The following ZNF324 variants were observed in gnomAD, a reference collection of about 807,000 sequenced individuals.
ZNF324 encodes the protein zinc finger protein 324, also known as zinc finger protein 324A.
Under a neutral mutation model 10.3 loss-of-function variants are expected in ZNF324, and 3 were observed. The ratio of observed to expected loss-of-function variants is 0.29; its 90% confidence interval spans 0.13 to 0.75. The LOEUF (loss-of-function observed/expected upper bound fraction) is 0.75. Ranked by LOEUF, ZNF324 falls within the 30% of genes least tolerant of loss-of-function variation. The probability of loss-of-function intolerance (pLI) is 0.69; values close to 1 mark genes in which losing one functional copy is unlikely to be tolerated. For synonymous variants in ZNF324, 430 were observed against 339.5 expected (o/e 1.27, Z -2.93); for missense variants, 763 against 784.4 (o/e 0.97, Z 0.33).
Position 58,473,856 on chromosome 19 carries a change from G to C in ZNF324, c.*1702G>C, listed in dbSNP as rs1404691924. On this transcript the variant is annotated 3_prime_UTR_variant, in exon 4 of 4. Coordinates refer to ENST00000196482, the MANE Select transcript of ZNF324 (RefSeq NM_014347.3). ...TAGAGTGGGGCTGTCTGGAGCAGCA[G>C]CCCTGCTAGATGAGTCCTGGTGGAT... is the stretch of plus-strand genomic sequence containing the variant. 6.6e-6 allele frequency: 1 copy of C among 152,286 alleles called. No individual in the cohort carries two copies. Among genetic ancestry groups the C allele is most frequent in the Non-Finnish European group, 1.5e-5 (1 of 68,092 alleles). 9.4% of individuals were successfully genotyped at this position (152,286 alleles called of 1,614,324 possible). A position where few individuals can be genotyped will look rare whatever the true frequency, so the allele number is the denominator to read the frequency against.
rs2053047955 is a variant in ZNF324, at chr19:58,472,655, C to T, written c.*501C>T. On this transcript the variant is annotated 3_prime_UTR_variant, in exon 4 of 4. Coordinates refer to ENST00000196482, the MANE Select transcript of ZNF324 (RefSeq NM_014347.3). ...GGGGCCAGCCTAGCAGACAAGAGACCACAAGGGACTGGGGATCAGGGTCTG... is the reference window on the plus strand; with the variant it reads ...GGGGCCAGCCTAGCAGACAAGAGACTACAAGGGACTGGGGATCAGGGTCTG... The T allele has an allele frequency of 6.4e-6, 1 of 156,016 alleles. No individual in the cohort carries two copies. The highest frequency in any genetic ancestry group is 6.3e-5 in the Admixed American group (1 of 15,848). The allele number at this position is 156,016 out of a possible 1,614,324, so 9.7% of individuals were successfully genotyped here. A position where few individuals can be genotyped will look rare whatever the true frequency, so the allele number is the denominator to read the frequency against.
In ZNF324 at chr19:58,469,827, A is replaced by C; in HGVS notation, c.221A>C (p.Tyr74Ser). 2 of 1,600,314 alleles carry C rather than the reference A, an allele frequency of 1.2e-6. No individual in the cohort carries two copies. Among genetic ancestry groups the C allele is most frequent in the Non-Finnish European group, 1.7e-6 (2 of 1,173,474 alleles). Reference protein sequence around the residue: ...GTDTTLSRTTYRRRNPGSWSL... With the variant: ...GTDTTLSRTTSRRRNPGSWSL... Reference sequence around the variant, plus strand: ...GACACAACCCTGTCCAGGACCACCTACAGGAGGCGCAACCCTGGTGAGAGG... The same window carrying C: ...GACACAACCCTGTCCAGGACCACCTCCAGGAGGCGCAACCCTGGTGAGAGG... Residue 74 changes from tyrosine to serine, a missense_variant, in exon 3 of 4, where the codon TAC (tyrosine) becomes TCC (serine). This residue lies in a region of ZNF324 where 379 missense variants were observed against 319.4 expected (regional missense o/e 1.19). Coordinates refer to ENST00000196482, the MANE Select transcript of ZNF324 (RefSeq NM_014347.3).
chr19:58,468,358 C>T (rs532707342), intron 1 of ZNF324, among the ~76,000 whole-genome samples: 1 of 152,152 alleles, frequency 6.6e-6, no homozygotes, highest in East Asian at 1.9e-4. Flanking sequence ...TAGCACCTAA[C>T]TGAGGAGGGG....
intron 1 of ZNF324, among the ~76,000 whole-genome samples, chr19:58,468,650 T>A (rs1471509006): frequency 4.6e-5 from 7 of 152,110 alleles, no homozygotes; most frequent in Admixed American, 2.0e-4. Context: ...GTGGTCATGC[T>A]GAGTCACGAG....
chr19:58,471,860 G>C lies in ZNF324; in HGVS notation c.1368G>C (p.Val456=), dbSNP rs1232449368. ...LHTGERPFRC[V]DCGKAFAKGA... ...CGGGCGAGCGGCCCTTCCGCTGCGT[G>C]GACTGTGGCAAGGCCTTCGCCAAGG... The change falls in exon 4 of 4, where the codon GTG becomes GTC. Residue 456 remains valine, a synonymous_variant. Transcript: ENST00000196482. 7.4e-6 allele frequency: 12 copies of C among 1,612,396 alleles called. No individual in the cohort carries two copies. The highest frequency in any genetic ancestry group is 1.0e-5 in the Non-Finnish European group (12 of 1,179,796).
In ZNF324 at chr19:58,469,857, T is replaced by G; in HGVS notation, c.238+13T>G. On this transcript the variant is annotated intron_variant, in intron 3 of 3. Coordinates refer to ENST00000196482, the MANE Select transcript of ZNF324 (RefSeq NM_014347.3). The stretch of plus-strand genomic sequence containing the variant: ...AGGCGCAACCCTGGTGAGAGGGAGC[T>G]CAGGGTGGGGTGAATTCAGGACCAA... The G allele has an allele frequency of 6.3e-7, 1 of 1,588,782 alleles. No individual in the cohort carries two copies. Among genetic ancestry groups the G allele is most frequent in the Non-Finnish European group, 8.6e-7 (1 of 1,166,548 alleles).
In ZNF324 at chr19:58,469,190, C is replaced by T; in HGVS notation, c.5C>T (p.Ala2Val). 4 of 1,614,146 alleles carry T rather than the reference C, an allele frequency of 2.5e-6. No homozygotes were observed. Among genetic ancestry groups the T allele is most frequent in the African/African-American group, 1.3e-5 (1 of 75,044 alleles). M[A>V]FEDVAVYFSQ... ...TCCCTGCTCTTTTAGGACCAGATGG[C>T]CTTTGAGGATGTGGCTGTGTACTTC... is the stretch of plus-strand genomic sequence containing the variant. Residue 2 changes from alanine (A) to valine (V), a missense_variant, in exon 2 of 4, where the codon GCC becomes GTC. Around this residue, in one of 3 missense-constraint regions of ZNF324, gnomAD observed 379 missense variants for 319.4 expected, o/e 1.19. Transcript: ENST00000196482.
rs2053039368 is a variant in ZNF324 at position 58,472,012 on chromosome 19, A to G, written c.1520A>G (p.Lys507Arg). Residue 507 changes from lysine to arginine, a missense_variant, in exon 4 of 4, where the codon AAG becomes AGG. By Grantham distance (26) the Lys-to-Arg change is conservative. This residue lies in a region of ZNF324 where 231 missense variants were observed against 196.0 expected (regional missense o/e 1.18). Transcript: ENST00000196482. ...FHHQRIHTGE[K>R]TVRRSRASLH... is the part of the protein sequence containing the mutation. ...CACCAGAGGATCCATACCGGCGAGA[A>G]GACCGTCCGGCGATCCAGGGCCAGC... is the stretch of plus-strand genomic sequence containing the variant. 6.2e-7 allele frequency: 1 copy of G among 1,607,696 alleles called. No homozygotes were observed. Among genetic ancestry groups the G allele is most frequent in the Non-Finnish European group, 8.5e-7 (1 of 1,179,732 alleles).
chr19:58,469,175 T>C lies in ZNF324; in HGVS notation c.-6-5T>C. The stretch of plus-strand genomic sequence containing the variant: ...ATGGCTGTCTCTTCCTCCCTGCTCT[T>C]TTAGGACCAGATGGCCTTTGAGGAT... On this transcript the variant is annotated splice_region_variant and splice_polypyrimidine_tract_variant and intron_variant, in intron 1 of 3. Coordinates refer to ENST00000196482, the MANE Select transcript of ZNF324 (RefSeq NM_014347.3). 4 of 1,614,204 alleles carry C rather than the reference T, an allele frequency of 2.5e-6. No homozygotes were observed. Among genetic ancestry groups the C allele is most frequent in the Non-Finnish European group, 8.5e-7 (1 of 1,180,018 alleles).
Position 58,471,888 on chromosome 19 carries a change from G to A in ZNF324, c.1396G>A (p.Ala466Thr), listed in dbSNP as rs772088242. 1.6e-5 allele frequency: 26 copies of A among 1,611,258 alleles called. No individual in the cohort carries two copies. The highest frequency in any genetic ancestry group is 5.3e-5 in the African/African-American group (4 of 74,850). The change falls in exon 4 of 4, where the codon GCC (alanine) becomes ACC (threonine). Residue 466 changes from alanine (A) to threonine (T), a missense_variant. Ala to Thr is a moderately conservative substitution (Grantham distance 58, BLOSUM62 0). Transcript: ENST00000196482. ...VDCGKAFAKG[A>T]VLLSHRRIHT... Reference sequence around the variant, plus strand: ...CTGTGGCAAGGCCTTCGCCAAGGGCGCCGTGCTGCTCAGCCACCGGCGCAT... The same window carrying A: ...CTGTGGCAAGGCCTTCGCCAAGGGCACCGTGCTGCTCAGCCACCGGCGCAT...
rs2053071942 is a variant in ZNF324, at chr19:58,475,355, T to TTATTGGGAGAAAC, written c.*3204_*3216dup. ...CAGATTTAGAAAACTGTAACACTGCTTATTGGGAGAAACTAGTGTCACCCT... is the reference window on the plus strand; with the variant it reads ...CAGATTTAGAAAACTGTAACACTGCTTATTGGGAGAAACTATTGGGAGAAACTAGTGTCACCCT... On this transcript the variant is annotated 3_prime_UTR_variant, in exon 4 of 4. Transcript: ENST00000196482. 6.6e-6 allele frequency: 1 copy of TTATTGGGAGAAAC among 152,216 alleles called. No homozygotes were observed. Among genetic ancestry groups the TTATTGGGAGAAAC allele is most frequent in the South Asian group, 2.1e-4 (1 of 4,830 alleles). The allele number at this position is 152,216 out of a possible 1,614,324, so 9.4% of individuals were successfully genotyped here.
chr19:58,470,353 A>G (rs536997557), intron 3 of ZNF324, among the ~76,000 whole-genome samples: 2 of 119,250 alleles, frequency 1.7e-5, no homozygotes, highest in East Asian at 5.0e-4. Flanking sequence ...TCATTGCAGG[A>G]GCAGGTTGGG....
At position 58,472,215 on chromosome 19, in the gene ZNF324, C is replaced by A; in HGVS notation, c.*61C>A. The A allele has an allele frequency of 3.4e-6, 5 of 1,453,784 alleles. No homozygotes were observed. The highest frequency in any genetic ancestry group is 3.7e-6 in the Non-Finnish European group (4 of 1,092,930). The allele number at this position is 1,453,784 out of a possible 1,614,324, so 90.1% of individuals were successfully genotyped here. A position where few individuals can be genotyped will look rare whatever the true frequency, so the allele number is the denominator to read the frequency against. On this transcript the variant is annotated 3_prime_UTR_variant, in exon 4 of 4. Transcript: ENST00000196482. ...CTTCCACAGCTAAAGGGCATATGTC[C>A]TCTGCAGATCCACAGCAGAGAAAAA...
Position 58,470,969 on chromosome 19 carries a change from C to T in ZNF324, c.477C>T (p.Ser159=). ...CAGGCAGTGGGCAAGCCAGCGTCAG[C>T]CTGCGACTGACCTCCCCGCTTAGGC... is the stretch of plus-strand genomic sequence containing the variant. ...LGSGSGQASV[S]LRLTSPLRPP... Residue 159 remains serine (S), a synonymous_variant, in exon 4 of 4, where the codon AGC becomes AGT. Coordinates refer to ENST00000196482, the MANE Select transcript of ZNF324 (RefSeq NM_014347.3). The T allele has an allele frequency of 3.1e-6, 5 of 1,614,238 alleles. No homozygotes were observed. The highest frequency in any genetic ancestry group is 4.2e-6 in the Non-Finnish European group (5 of 1,180,048).
At position 58,473,895 on chromosome 19, in the gene ZNF324, G is replaced by A. The variant is rs2053059260; in HGVS notation, c.*1741G>A. On this transcript the variant is annotated 3_prime_UTR_variant, in exon 4 of 4. Transcript: ENST00000196482. ...GTCCTGGTGGATCCTGGCAATGGGAGGATGGTAGGTGGAGAAACCAAGGCA... is the reference window on the plus strand; with the variant it reads ...GTCCTGGTGGATCCTGGCAATGGGAAGATGGTAGGTGGAGAAACCAAGGCA... The A allele has an allele frequency of 6.6e-6, 1 of 152,532 alleles. No individual in the cohort carries two copies. The highest frequency in any genetic ancestry group is 1.5e-5 in the Non-Finnish European group (1 of 68,172). 9.4% of individuals were successfully genotyped at this position (152,532 alleles called of 1,614,324 possible). A position where few individuals can be genotyped will look rare whatever the true frequency, so the allele number is the denominator to read the frequency against.
rs2053044044 is a variant in ZNF324, at chr19:58,472,305, A to T, written c.*151A>T. The T allele has an allele frequency of 5.9e-6, 5 of 843,788 alleles. No homozygotes were observed. Among genetic ancestry groups the T allele is most frequent in the South Asian group, 5.7e-5 (3 of 52,916 alleles). 52.3% of individuals were successfully genotyped at this position (843,788 alleles called of 1,614,324 possible). A position where few individuals can be genotyped will look rare whatever the true frequency, so the allele number is the denominator to read the frequency against. On this transcript the variant is annotated 3_prime_UTR_variant, in exon 4 of 4. Transcript: ENST00000196482. ...GCTGTGATTTCATTTGCACGTGGGGACAGGATTTGCCAGTTCACCCACAGA... is the reference window on the plus strand; with the variant it reads ...GCTGTGATTTCATTTGCACGTGGGGTCAGGATTTGCCAGTTCACCCACAGA...
At chr19:58,470,619 TC>T (rs2053020522) in intron 3 of ZNF324, 111 bp from the exon 4 acceptor site, 2 of 1,365,612 alleles carry the variant, frequency 1.5e-6, no homozygotes, top group Non-Finnish European at 2.1e-6. Context: ...CCTCTACTTT[TC>T]CCCTAAGCTT....
At position 58,471,045 on chromosome 19, in the gene ZNF324, C is replaced by A. The variant is rs775585317; in HGVS notation, c.553C>A (p.Leu185Met). Reference protein sequence around the residue: ...REKTLTEHALLGRQPRTPERQ... With the variant: ...REKTLTEHALMGRQPRTPERQ... ...AAAGACACTCACAGAGCATGCGTTGCTGGGGAGGCAGCCCAGGACGCCTGA... is the reference window on the plus strand; with the variant it reads ...AAAGACACTCACAGAGCATGCGTTGATGGGGAGGCAGCCCAGGACGCCTGA... The change falls in exon 4 of 4, where the codon CTG becomes ATG. Residue 185 changes from leucine to methionine, a missense_variant. Leu to Met is a conservative substitution (Grantham distance 15). Coordinates refer to ENST00000196482, the MANE Select transcript of ZNF324 (RefSeq NM_014347.3). 2 of 1,613,874 alleles carry A rather than the reference C, an allele frequency of 1.2e-6. No homozygotes were observed. Among genetic ancestry groups the A allele is most frequent in the Non-Finnish European group, 8.5e-7 (1 of 1,180,046 alleles).
chr19:58,472,031 G>A lies in ZNF324; in HGVS notation c.1539G>A (p.Arg513=). Residue 513 remains arginine (R), a synonymous_variant, in exon 4 of 4, where the codon AGG becomes AGA. Coordinates refer to ENST00000196482, the MANE Select transcript of ZNF324 (RefSeq NM_014347.3). The part of the protein sequence containing the change: ...HTGEKTVRRS[R]ASLHPQARSV... Reference sequence around the variant, plus strand: ...GCGAGAAGACCGTCCGGCGATCCAGGGCCAGCCTGCACCCCCAGGCCAGGT... The same window carrying A: ...GCGAGAAGACCGTCCGGCGATCCAGAGCCAGCCTGCACCCCCAGGCCAGGT... 1 of 1,606,982 alleles carries A rather than the reference G, an allele frequency of 6.2e-7. No individual in the cohort carries two copies. Among genetic ancestry groups the A allele is most frequent in the Non-Finnish European group, 8.5e-7 (1 of 1,179,654 alleles).
Sources: allele counts gnomAD v4.1 joint callset (sites outside exome capture counted in the v4.1 genomes callset), GRCh38; gene constraint gnomAD v4.1.1; regional missense constraint gnomAD v4.1.1; transcripts MANE v1.5; gene names NCBI Gene and HGNC (gene_info 2026-07-23, HGNC 2026-07-21).